The following SUGCT variants were observed in gnomAD, a reference collection of about 807,000 sequenced individuals.
SUGCT encodes succinyl-CoA:glutarate CoA-transferase.
Under a neutral mutation model 55.0 loss-of-function variants are expected in SUGCT, and 41 were observed. The observed-to-expected ratio is 0.74, with a 90% confidence interval of 0.58 to 0.97. SUGCT has a LOEUF of 0.97. SUGCT is among the 50% of genes least tolerant of loss of function. The pLI, the probability that SUGCT is intolerant of heterozygous loss-of-function variation, is 0.00. For missense variants in SUGCT, 568 were observed against 547.8 expected (o/e 1.04, Z -0.37); for synonymous variants, 187 against 200.4 (o/e 0.93, Z 0.56).
At chr7:40,352,044 C>T (rs73688057) in intron 9 of SUGCT, among the ~76,000 whole-genome samples, 2,279 of 152,278 alleles carry the variant, frequency 0.015, 47 homozygotes, top group South Asian at 0.057. Flanking sequence ...TATTTTGCAT[C>T]AGTGGTTTTC....
chr7:40,962,050 T>C, the SUGCT span, among the ~76,000 whole-genome samples: 3 of 152,138 alleles, frequency 2.0e-5, no homozygotes, highest in Non-Finnish European at 4.4e-5. Flanking sequence ...ATTCCCTTAT[T>C]TGGCCCCACC....
chr7:40,978,391 G>A, the SUGCT span, among the ~76,000 whole-genome samples: 2 of 152,184 alleles, frequency 1.3e-5, no homozygotes, highest in Non-Finnish European at 2.9e-5. Flanking sequence ...TTGCCAATGG[G>A]ACTTTCACTG....
At chr7:40,797,621 A>G (rs963891755) in intron 13 of SUGCT, among the ~76,000 whole-genome samples, 4 of 152,202 alleles carry the variant, frequency 2.6e-5, no homozygotes, top group South Asian at 2.1e-4. Context: ...TTACAGGCCA[A>G]TGGGCTTTCT....
intron 11 of SUGCT, among the ~76,000 whole-genome samples, chr7:40,492,561 ACT>A (rs1052597396): frequency 1.3e-5 from 2 of 151,974 alleles, no homozygotes; most frequent in African/African-American, 2.4e-5. Flanking sequence ...CTGGTTCTAA[ACT>A]CTCTGTCACA....
intron 1 of SUGCT, among the ~76,000 whole-genome samples, chr7:40,176,187 A>C (rs536294706): frequency 2.0e-5 from 3 of 151,628 alleles, no homozygotes; most frequent in African/African-American, 7.3e-5. Context: ...AGCTGAGATC[A>C]CTCCAGCCTG....
intron 12 of SUGCT, among the ~76,000 whole-genome samples, chr7:40,674,285 G>T (rs534770941): frequency 6.6e-6 from 1 of 152,182 alleles, no homozygotes; most frequent in Non-Finnish European, 1.5e-5. Context: ...GCTCCCTATT[G>T]CAGTTTATTG....
intron 13 of SUGCT, among the ~76,000 whole-genome samples, chr7:40,826,425 C>T (rs1244226503): frequency 6.6e-6 from 1 of 152,090 alleles, no homozygotes; most frequent in East Asian, 1.9e-4. Context: ...GGAATATCCA[C>T]AACACTAGAA....
chr7:40,592,465 G>A (rs778997100), intron 12 of SUGCT, among the ~76,000 whole-genome samples: 2 of 152,188 alleles, frequency 1.3e-5, no homozygotes, highest in Non-Finnish European at 2.9e-5. Flanking sequence ...TGGGTAGAGA[G>A]CATGCAGGGA....
chr7:40,150,257 C>T (rs751814993), intron 1 of SUGCT, among the ~76,000 whole-genome samples: 3 of 152,194 alleles, frequency 2.0e-5, no homozygotes, highest in Non-Finnish European at 4.4e-5. Flanking sequence ...ATCTTGTGGC[C>T]CCCGCCCAGG....
chr7:40,413,302 C>T (rs568251553), intron 9 of SUGCT, among the ~76,000 whole-genome samples: 46 of 152,208 alleles, frequency 3.0e-4, no homozygotes, highest in African/African-American at 9.2e-4. Context: ...CTTTTCCTCC[C>T]GGCATCTCCT....
intron 12 of SUGCT, among the ~76,000 whole-genome samples, chr7:40,737,535 A>C (rs1421505755): frequency 6.6e-6 from 1 of 152,222 alleles, no homozygotes; most frequent in Non-Finnish European, 1.5e-5. Flanking sequence ...ATACTACTTA[A>C]TACACAAAAC....
At chr7:40,138,284 A>G (rs1438046186) in intron 1 of SUGCT, among the ~76,000 whole-genome samples, 1 of 152,174 alleles carries the variant, frequency 6.6e-6, no homozygotes, top group Non-Finnish European at 1.5e-5. Flanking sequence ...ACTTAAGATA[A>G]TGGCCCCCAG....
At chr7:40,166,966 A>G (rs117140692) in intron 1 of SUGCT, among the ~76,000 whole-genome samples, 341 of 152,272 alleles carry the variant, frequency 2.2e-3, no homozygotes, top group Non-Finnish European at 3.8e-3. Flanking sequence ...TGGTATAAGC[A>G]TTTTAGAAAT....
chr7:40,733,655 G>A (rs1360925538), intron 12 of SUGCT, among the ~76,000 whole-genome samples: 4 of 152,168 alleles, frequency 2.6e-5, no homozygotes, highest in Non-Finnish European at 5.9e-5. Flanking sequence ...TGCAGTGTCC[G>A]TGTCTTTCTG....
the SUGCT span, among the ~76,000 whole-genome samples, chr7:40,897,562 T>A: frequency 6.6e-6 from 1 of 151,992 alleles, no homozygotes; most frequent in Non-Finnish European, 1.5e-5. Flanking sequence ...AGAGTGACAC[T>A]CTGGTGGCTG....
chr7:40,684,243 T>G lies in SUGCT; in HGVS notation c.1090-65191T>G, dbSNP rs1223828277. 2.1e-6 allele frequency: 3 copies of G among 1,399,276 alleles called. No individual in the cohort carries two copies. In the African/African-American group the frequency reaches 4.3e-5, roughly 20 times the overall value. 86.7% of individuals were successfully genotyped at this position (1,399,276 alleles called of 1,614,324 possible). The stretch of plus-strand genomic sequence containing the variant: ...GTGACCTTAATTACATCCATACTTA[T>G]TCATTTACATCACAGGTTTCAGGGA... On this transcript the variant is annotated intron_variant, in intron 12 of 13. Coordinates refer to ENST00000335693, the MANE Select transcript of SUGCT (RefSeq NM_001193313.2).
chr7:40,719,593 C>CA (rs1368777544), intron 12 of SUGCT, among the ~76,000 whole-genome samples: 6 of 152,092 alleles, frequency 3.9e-5, no homozygotes, highest in Non-Finnish European at 8.8e-5. Flanking sequence ...GAAAACCAGG[C>CA]AAAAGCCCAC....
intron 13 of SUGCT, among the ~76,000 whole-genome samples, chr7:40,825,424 T>A (rs1792263667): frequency 1.3e-5 from 2 of 152,194 alleles, no homozygotes; most frequent in South Asian, 4.1e-4. Context: ...AATATTTGTG[T>A]CTCTCTGTGG....
intron 9 of SUGCT, among the ~76,000 whole-genome samples, chr7:40,334,750 TG>T (rs1796580781): frequency 6.6e-6 from 1 of 152,202 alleles, no homozygotes; most frequent in Admixed American, 6.5e-5. Context: ...GAAGCTCTTT[TG>T]TTTAATTAGA....
Sources: allele counts gnomAD v4.1 joint callset (sites outside exome capture counted in the v4.1 genomes callset), GRCh38; gene constraint gnomAD v4.1.1; transcripts MANE v1.5; gene names NCBI Gene and HGNC (gene_info 2026-07-23, HGNC 2026-07-21).